LMO7: variants seen among roughly 807,000 people sequenced by gnomAD.
The protein encoded by LMO7 is LIM domain only protein 7.
A neutral mutation model predicts 206.5 loss-of-function variants in LMO7; 120 were observed. That is an observed-to-expected ratio of 0.58 (90% CI 0.50 to 0.68). The LOEUF is 0.68. LMO7 is among the 30% of genes least tolerant of loss of function. The pLI is 0.00. For synonymous variants in LMO7, 706 were observed against 681.5 expected, an observed-to-expected ratio of 1.04 and a Z score of -0.56; for missense variants, 1,959 against 1,957.9, an observed-to-expected ratio of 1.00 and a Z score of -0.01.
Position 75,845,358 on chromosome 13 carries a change from G to T in LMO7, c.4129G>T (p.Asp1377Tyr). 6.3e-7 allele frequency: 1 copy of T among 1,583,252 alleles called. No homozygotes were observed. The highest frequency in any genetic ancestry group is 1.1e-5 in the South Asian group (1 of 88,636). Residue 1377 changes from aspartate (D) to tyrosine (Y), a missense_variant, in exon 26 of 31, where the codon GAT (aspartate) becomes TAT (tyrosine). Coordinates refer to ENST00000377534, the MANE Select transcript of LMO7 (RefSeq NM_001306080.2). ...ATCCAGATCTACTACTGAACTGGAT[G>T]ATTACTCCACAAATAAAAATGGTAA... is the stretch of plus-strand genomic sequence containing the variant. ...NKSRSTTELD[D>Y]YSTNKNGNNK...
At position 75,796,691 on chromosome 13, in the gene LMO7, A is replaced by G. The variant is rs147497616; in HGVS notation, c.404A>G (p.Asn135Ser). 5.0e-6 allele frequency: 8 copies of G among 1,613,686 alleles called. No individual in the cohort carries two copies. The African/African-American group carries it at 9.3e-5, about 19-fold the overall frequency. Residue 135 changes from asparagine to serine, a missense_variant, in exon 6 of 31, where the codon AAT (asparagine) becomes AGT (serine). Transcript: ENST00000377534. Reference sequence around the variant, plus strand: ...AAAGCACAAAGCAACCCGTACTATAATGGTCCCCATCTTAATTTGAAAGCG... The same window carrying G: ...AAAGCACAAAGCAACCCGTACTATAGTGGTCCCCATCTTAATTTGAAAGCG... ...GRKAQSNPYY[N>S]GPHLNLKAFE...
intron 1 of LMO7, among the ~76,000 whole-genome samples, chr13:75,650,957 A>G (rs1388056095): frequency 6.6e-6 from 1 of 152,230 alleles, no homozygotes; most frequent in Non-Finnish European, 1.5e-5. Context: ...GCTATTTTAG[A>G]AAAGAAAAGC....
intron 3 of LMO7, among the ~76,000 whole-genome samples, chr13:75,749,661 G>A (rs78138648): frequency 3.9e-4 from 59 of 152,270 alleles, no homozygotes; most frequent in African/African-American, 1.3e-3. Flanking sequence ...CTGCCAAATG[G>A]TGCTGGCATT....
At chr13:75,803,868 A>G (rs1316866979) in intron 7 of LMO7, among the ~76,000 whole-genome samples, 1 of 151,200 alleles carries the variant, frequency 6.6e-6, no homozygotes, top group Non-Finnish European at 1.5e-5. Flanking sequence ...CCTCACATAT[A>G]TTATAGATAG....
At chr13:75,711,203 G>T (rs956902258) in intron 1 of LMO7, among the ~76,000 whole-genome samples, 2 of 152,230 alleles carry the variant, frequency 1.3e-5, no homozygotes, top group African/African-American at 4.8e-5. Flanking sequence ...CGGTTTGCCA[G>T]TATTTTATTG....
At chr13:75,799,276 A>G (rs1430353003) in intron 6 of LMO7, among the ~76,000 whole-genome samples, 2 of 152,226 alleles carry the variant, frequency 1.3e-5, no homozygotes, top group Non-Finnish European at 2.9e-5. Context: ...GCTTTTTCAT[A>G]AGTTGAAAAT....
chr13:75,664,043 A>C lies in LMO7; in HGVS notation c.69+27317A>C, dbSNP rs79013229. 0.02 allele frequency among the ~76,000 whole-genome samples: 2,976 copies of C among 152,204 alleles called. 188 individuals are homozygous for C. The East Asian group carries it at 0.2, about 10-fold the overall frequency. ...GTATGGTTAAATTATTTTTTACCAC[A>C]ATCACCCTGTTATCCTAGCAAATAC... is the stretch of plus-strand genomic sequence containing the variant. On this transcript the variant is annotated intron_variant, in intron 1 of 30. Coordinates refer to ENST00000377534, the MANE Select transcript of LMO7 (RefSeq NM_001306080.2).
intron 14 of LMO7, among the ~76,000 whole-genome samples, 179 bp downstream of exon 14, chr13:75,821,788 A>G (rs1237285863): frequency 6.6e-6 from 1 of 152,242 alleles, no homozygotes; most frequent in Non-Finnish European, 1.5e-5. Context: ...TATCAATGAT[A>G]CAGAATTTAT....
rs539554733 is a variant in LMO7, at chr13:75,684,126, C to T, written c.70-29056C>T. On this transcript the variant is annotated intron_variant, in intron 1 of 30. Transcript: ENST00000377534. The stretch of plus-strand genomic sequence containing the variant: ...GTTTTTCAGGTTAACTTTGCAATGC[C>T]CTTGGCTGAGGGAAGGGGTCCATTT... Among the ~76,000 whole-genome samples, 5 of 152,236 alleles carry T rather than the reference C, an allele frequency of 3.3e-5. No homozygotes were observed. The South Asian group carries it at 8.3e-4, about 25-fold the overall frequency.
At chr13:75,694,014 TAA>T (rs58590514) in intron 1 of LMO7, among the ~76,000 whole-genome samples, 22 of 145,888 alleles carry the variant, frequency 1.5e-4, no homozygotes, top group African/African-American at 5.3e-4. Context: ...GACCTTAAAA[TAA>T]AAAAAAAAAC....
intron 2 of LMO7, among the ~76,000 whole-genome samples, chr13:75,623,682 A>AT: frequency 6.6e-6 from 1 of 151,978 alleles, no homozygotes; most frequent in East Asian, 1.9e-4. Context: ...AAAAAAAAAA[A>AT]TAATTAAATT....
intron 11 of LMO7, among the ~76,000 whole-genome samples, chr13:75,816,348 G>A (rs1391049577): frequency 6.6e-6 from 1 of 152,164 alleles, no homozygotes; most frequent in African/African-American, 2.4e-5. Flanking sequence ...TCAGTGTTTA[G>A]ATCTGACCTC....
At chr13:75,849,500 C>CT (rs68011303) in intron 27 of LMO7, among the ~76,000 whole-genome samples, 14,480 of 136,366 alleles carry the variant, frequency 0.11, 846 homozygotes, top group African/African-American at 0.17. Context: ...TTTTTTTTTT[C>CT]TTTTTTTTTT....
At chr13:75,729,684 G>A (rs1448701919) in intron 3 of LMO7, among the ~76,000 whole-genome samples, 1 of 151,316 alleles carries the variant, frequency 6.6e-6, no homozygotes, top group African/African-American at 2.4e-5. Context: ...AGTGGTGAGA[G>A]AGGTCATCCC....
intron 1 of LMO7, among the ~76,000 whole-genome samples, chr13:75,640,028 A>T (rs2036366198): frequency 6.6e-6 from 1 of 152,102 alleles, no homozygotes; most frequent in Admixed American, 6.5e-5. Flanking sequence ...TGTGCTGTTC[A>T]CCACCTTTTA....
chr13:75,633,201 A>G (rs112089726), upstream of LMO7, among the ~76,000 whole-genome samples: 316 of 152,158 alleles, frequency 2.1e-3, 1 homozygote, highest in African/African-American at 7.2e-3. Flanking sequence ...AGAGAGAAAT[A>G]TCTTTCCATT....
chr13:75,681,718 G>GTATATGTATATATATATATATA (rs1555293392), intron 1 of LMO7, among the ~76,000 whole-genome samples: 3 of 104,554 alleles, frequency 2.9e-5, no homozygotes, highest in East Asian at 2.7e-4. Flanking sequence ...ATATATATAT[G>GTATATGTATATATATATATATA]TATATATATA....
chr13:75,660,865 C>T (rs1338342148), intron 1 of LMO7, among the ~76,000 whole-genome samples: 6 of 152,164 alleles, frequency 3.9e-5, no homozygotes, highest in Admixed American at 3.3e-4. Context: ...AGAGGTGCCT[C>T]ATTCCTTGTC....
chr13:75,725,938 T>C (rs2044431011), intron 2 of LMO7, among the ~76,000 whole-genome samples: 1 of 151,932 alleles, frequency 6.6e-6, no homozygotes. Context: ...CTCAAGTGTG[T>C]ATATATAAGT....
Sources: gnomAD v4.1 joint callset for allele counts (sites outside exome capture counted in the v4.1 genomes callset) on GRCh38, gnomAD v4.1.1 for gene constraint, MANE v1.5 for transcripts, NCBI Gene and HGNC (gene_info 2026-07-23, HGNC 2026-07-21) for gene names.